LIX1: variants seen among roughly 807,000 people sequenced by gnomAD.
The protein encoded by LIX1 is limb and CNS expressed 1.
A neutral mutation model predicts 33.4 loss-of-function variants in LIX1; 24 were observed. The observed-to-expected ratio is 0.72, with a 90% confidence interval of 0.52 to 1.01. The LOEUF (loss-of-function observed/expected upper bound fraction) is 1.01, where lower values mean the gene tolerates loss of function less well. Ranked by LOEUF, LIX1 falls within the 50% of genes least tolerant of loss-of-function variation. The pLI is 0.00. For synonymous variants in LIX1, 124 were observed against 124.0 expected, an observed-to-expected ratio of 1.00 and a Z score of 0.00; for missense variants, 311 against 339.2, an observed-to-expected ratio of 0.92 and a Z score of 0.65.
At chr5:97,117,613 G>A (rs796095248) in intron 2 of LIX1, among the ~76,000 whole-genome samples, 6 of 152,226 alleles carry the variant, frequency 3.9e-5, no homozygotes, top group East Asian at 1.9e-4. Flanking sequence ...AGTATAAAAC[G>A]CGTTTTTATG....
Position 97,124,483 on chromosome 5 carries a change from A to G in LIX1, c.229T>C (p.Cys77Arg), listed in dbSNP as rs1358836848. ...VSYVTLPGGS[C>R]FGNFQCCLSR... ...CTTCTTACCTGAAAGTTGCCAAAACAGCTTCCCCCTGGGAGGGTCACGTAA... is the reference window on the plus strand; with the variant it reads ...CTTCTTACCTGAAAGTTGCCAAAACGGCTTCCCCCTGGGAGGGTCACGTAA... The change falls in exon 2 of 6, where the codon TGT becomes CGT. Residue 77 changes from cysteine to arginine, a missense_variant. By Grantham distance (180) the Cys-to-Arg change is radical (BLOSUM62 -3). Transcript: ENST00000274382. 8.1e-6 allele frequency: 13 copies of G among 1,603,798 alleles called. No individual in the cohort carries two copies. Among genetic ancestry groups the G allele is most frequent in the Non-Finnish European group, 1.1e-5 (13 of 1,174,270 alleles).
Position 97,092,109 on chromosome 5 carries a change from T to G in LIX1, c.*2639A>C, listed in dbSNP as rs1211676101. ...GTTATGTTGGATCCCTGATGTAAAG[T>G]TTGACAGTGTATGTTGTGTTCAAAA... On this transcript the variant is annotated 3_prime_UTR_variant, in exon 6 of 6. Transcript: ENST00000274382. 1 of 152,314 alleles carries G rather than the reference T, an allele frequency of 6.6e-6. No homozygotes were observed. Among genetic ancestry groups the G allele is most frequent in the African/African-American group, 2.4e-5 (1 of 41,446 alleles). 9.4% of individuals were successfully genotyped at this position (152,314 alleles called of 1,614,324 possible). A position where few individuals can be genotyped will look rare whatever the true frequency, so the allele number is the denominator to read the frequency against.
chr5:97,108,993 A>G (rs1272213028), intron 2 of LIX1, among the ~76,000 whole-genome samples: 1 of 152,016 alleles, frequency 6.6e-6, no homozygotes, highest in Non-Finnish European at 1.5e-5. Context: ...CCCCACCTCC[A>G]TCCTATCTGC....
At chr5:97,114,537 A>C (rs1747581886) in intron 2 of LIX1, among the ~76,000 whole-genome samples, 1 of 152,166 alleles carries the variant, frequency 6.6e-6, no homozygotes, top group Non-Finnish European at 1.5e-5. Context: ...ATAGTTCAAA[A>C]ACTTTAGTGT....
At chr5:97,100,893 GAAAA>G (rs11358378) in intron 4 of LIX1, among the ~76,000 whole-genome samples, 1 of 114,122 alleles carries the variant, frequency 8.8e-6, no homozygotes, top group Non-Finnish European at 1.9e-5. Flanking sequence ...CTCTGTCTCA[GAAAA>G]AAAAAAAAAA....
At chr5:97,135,116 CT>C (rs1215382563) in intron 1 of LIX1, among the ~76,000 whole-genome samples, 1 of 152,158 alleles carries the variant, frequency 6.6e-6, no homozygotes, top group African/African-American at 2.4e-5. Context: ...CAAAGTTAAC[CT>C]CTCAGGAGAC....
At chr5:97,138,016 A>G (rs2112801051) in intron 1 of LIX1, among the ~76,000 whole-genome samples, 1 of 152,318 alleles carries the variant, frequency 6.6e-6, no homozygotes, top group Non-Finnish European at 1.5e-5. Context: ...CAAAGGGCAA[A>G]AAACGTACTC....
In LIX1 at chr5:97,107,948, T is replaced by G. The variant is rs114131414; in HGVS notation, c.247-448A>C. ...AACACAAATTCTAGAGTCAGACTGC[T>G]TTCAGCTCTGGCATTTACTAACTAT... is the stretch of plus-strand genomic sequence containing the variant. On this transcript the variant is annotated intron_variant, in intron 2 of 5. Transcript: ENST00000274382. Among the ~76,000 whole-genome samples the G allele has an allele frequency of 8.9e-3, 1,355 of 152,334 alleles. 27 individuals carry two copies. Among genetic ancestry groups the G allele is most frequent in the African/African-American group, 0.031 (1,293 of 41,570 alleles).
At chr5:97,137,467 G>GAA (rs1050682913) in intron 1 of LIX1, among the ~76,000 whole-genome samples, 3 of 141,278 alleles carry the variant, frequency 2.1e-5, no homozygotes, top group Admixed American at 7.1e-5. Flanking sequence ...TATATTTACT[G>GAA]AAAAAAAAAA....
chr5:97,118,743 G>A (rs1483776177), intron 2 of LIX1, among the ~76,000 whole-genome samples: 2 of 152,008 alleles, frequency 1.3e-5, no homozygotes, highest in African/African-American at 4.8e-5. Context: ...TAGAAATGCA[G>A]AAATAAAATT....
At position 97,110,570 on chromosome 5, in the gene LIX1, G is replaced by A. The variant is rs138329307; in HGVS notation, c.247-3070C>T. Among the ~76,000 whole-genome samples the A allele has an allele frequency of 2.2e-3, 330 of 152,114 alleles. 1 individual carries two copies. The highest frequency in any genetic ancestry group is 7.7e-3 in the African/African-American group (319 of 41,508). On this transcript the variant is annotated intron_variant, in intron 2 of 5. Coordinates refer to ENST00000274382, the MANE Select transcript of LIX1 (RefSeq NM_153234.5). ...AGCAAGTCTCCTGCCTCAGCCTCCC[G>A]AGTAGCTGGGATTATAGGCATGTGC...
intron 3 of LIX1, among the ~76,000 whole-genome samples, chr5:97,105,943 T>G (rs530893199): frequency 6.1e-4 from 93 of 152,282 alleles, no homozygotes; most frequent in African/African-American, 2.2e-3. Context: ...TGGACGCGGA[T>G]TCCCGGGAAG....
At chr5:97,136,702 G>C (rs1748179500) in intron 1 of LIX1, among the ~76,000 whole-genome samples, 1 of 152,036 alleles carries the variant, frequency 6.6e-6, no homozygotes, top group African/African-American at 2.4e-5. Flanking sequence ...TGCTTAACGG[G>C]ATGAGATCAA....
At chr5:97,118,012 T>C (rs1747680188) in intron 2 of LIX1, among the ~76,000 whole-genome samples, 1 of 152,158 alleles carries the variant, frequency 6.6e-6, no homozygotes, top group Admixed American at 6.5e-5. Flanking sequence ...TCAACTAGCC[T>C]AAGTACCAGA....
At chr5:97,131,013 T>C (rs1055849818) in intron 1 of LIX1, among the ~76,000 whole-genome samples, 9 of 152,166 alleles carry the variant, frequency 5.9e-5, no homozygotes, top group Non-Finnish European at 1.3e-4. Context: ...GTTTTCAGAG[T>C]AGTATTAGAT....
At chr5:97,139,052 C>T (rs1204332615) in intron 1 of LIX1, among the ~76,000 whole-genome samples, 2 of 152,186 alleles carry the variant, frequency 1.3e-5, no homozygotes, top group Middle Eastern at 3.2e-3. Context: ...TGGTAACTAG[C>T]ACTTCTGAGA....
intron 1 of LIX1, among the ~76,000 whole-genome samples, chr5:97,133,768 G>A (rs1198132492): frequency 2.0e-5 from 3 of 152,132 alleles, no homozygotes; most frequent in African/African-American, 7.2e-5. Context: ...ACTTTCCCAT[G>A]GATGCTAAAG....
At chr5:97,139,293 G>C (rs1459027268) in intron 1 of LIX1, among the ~76,000 whole-genome samples, 1 of 152,192 alleles carries the variant, frequency 6.6e-6, no homozygotes, top group Non-Finnish European at 1.5e-5. Flanking sequence ...TGATGTCTTA[G>C]CCTTACTATT....
rs527425141 is a variant in LIX1, at chr5:97,111,165, C to G, written c.247-3665G>C. ...TCCCACCGTCTCCTGGCTGTGAGCT[C>G]CCTAAAGGCAGAGCCTATGACTTAG... On this transcript the variant is annotated intron_variant, in intron 2 of 5. Coordinates refer to ENST00000274382, the MANE Select transcript of LIX1 (RefSeq NM_153234.5). Among the ~76,000 whole-genome samples, 38 of 152,228 alleles carry G rather than the reference C, an allele frequency of 2.5e-4. 1 individual carries two copies. The highest frequency in any genetic ancestry group is 1.4e-3 in the South Asian group (7 of 4,828).
Sources: allele counts gnomAD v4.1 joint callset (sites outside exome capture counted in the v4.1 genomes callset), GRCh38; gene constraint gnomAD v4.1.1; transcripts MANE v1.5; gene names NCBI Gene and HGNC (gene_info 2026-07-23, HGNC 2026-07-21).